Variants in APLP2 observed in about 807,000 individuals in gnomAD.
APLP2 encodes the protein amyloid beta precursor like protein 2.
APLP2 carries 53 observed loss-of-function variants against 89.9 expected under a neutral mutation model. That is an observed-to-expected ratio of 0.59 (90% CI 0.47 to 0.74). The LOEUF is 0.74. APLP2 is among the 30% of genes least tolerant of loss of function. The probability of loss-of-function intolerance (pLI) is 0.00; values close to 1 mark genes in which losing one functional copy is unlikely to be tolerated. For synonymous variants in APLP2, 372 were observed against 348.6 expected, an observed-to-expected ratio of 1.07 and a Z score of -0.75; for missense variants, 973 against 975.9, an observed-to-expected ratio of 1.00 and a Z score of 0.04.
At position 130,129,079 on chromosome 11, in the gene APLP2, A is replaced by G. The variant is rs766823114; in HGVS notation, c.1328A>G (p.Lys443Arg). The change falls in exon 10 of 17, where the codon AAG (lysine) becomes AGG (arginine). Residue 443 changes from lysine (K) to arginine (R), a missense_variant. Coordinates refer to ENST00000338167, the MANE Select transcript of APLP2 (RefSeq NM_001142276.2). ...HFQAMVKALE[K>R]EAASEKQQLV... ...CAAGCCATGGTTAAAGCTTTAGAGA[A>G]GGAAGCAGCCAGTGAGAAGCAGCAG... 1 of 1,614,170 alleles carries G rather than the reference A, an allele frequency of 6.2e-7. No individual in the cohort carries two copies. Among genetic ancestry groups the G allele is most frequent in the Non-Finnish European group, 8.5e-7 (1 of 1,180,000 alleles).
Position 130,137,415 on chromosome 11 carries a change from G to T in APLP2, c.1837+1700G>T. ...TCCCCACCTCATTCCTTCTGACACG[G>T]CTGTGAGTGGGGTCAGAGCAGCCCC... On this transcript the variant is annotated intron_variant, in intron 13 of 16. Coordinates refer to ENST00000338167, the MANE Select transcript of APLP2 (RefSeq NM_001142276.2). 26 of 934,210 alleles carry T rather than the reference G, an allele frequency of 2.8e-5. No homozygotes were observed. The South Asian group carries it at 3.4e-4, about 12-fold the overall frequency. The allele number at this position is 934,210 out of a possible 1,614,324, so 57.9% of individuals were successfully genotyped here.
intron 3 of APLP2, among the ~76,000 whole-genome samples, chr11:130,113,425 C>T (rs749547855): frequency 1.8e-4 from 27 of 152,280 alleles, no homozygotes; most frequent in Non-Finnish European, 2.9e-4. Context: ...AAGCATTATA[C>T]AATCTTTGGT....
At chr11:130,077,502 C>G (rs572769069) in intron 1 of APLP2, among the ~76,000 whole-genome samples, 137 of 152,112 alleles carry the variant, frequency 9.0e-4, no homozygotes, top group Non-Finnish European at 1.7e-3. Context: ...ATTTTACTCT[C>G]TTTAATTATG....
chr11:130,133,810 A>G, intron 12 of APLP2, 82 bp downstream of exon 12: 1 of 1,079,426 alleles, frequency 9.3e-7, no homozygotes, highest in Non-Finnish European at 1.4e-6. Context: ...GAGTAGAGAG[A>G]GATGAGCAAG....
intron 1 of APLP2, chr11:130,102,147 A>G (rs777103514): frequency 3.3e-6 from 1 of 300,638 alleles, no homozygotes; most frequent in Admixed American, 4.9e-5. Context: ...GTGAAGGTTC[A>G]TGAACATAAA....
chr11:130,070,773 T>A, intron 1 of APLP2: 1 of 1,390,994 alleles, frequency 7.2e-7, no homozygotes, highest in Non-Finnish European at 9.4e-7. Flanking sequence ...TCGTGAGGGT[T>A]TCAGTGAGTA....
chr11:130,110,893 G>C (rs1038482773), intron 3 of APLP2, among the ~76,000 whole-genome samples: 13 of 152,102 alleles, frequency 8.5e-5, no homozygotes, highest in Non-Finnish European at 1.8e-4. Flanking sequence ...CCTCAGGACT[G>C]AATAAGGGTG....
At position 130,109,248 on chromosome 11, in the gene APLP2, A is replaced by T. The variant is rs543613915; in HGVS notation, c.106-181A>T. ...TTCCTTTGCCTTTCACTTTGATCATACACATCCAGAAGTCACTTTTTATTC... is the reference window on the plus strand; with the variant it reads ...TTCCTTTGCCTTTCACTTTGATCATTCACATCCAGAAGTCACTTTTTATTC... On this transcript the variant is annotated intron_variant, in intron 1 of 16. Transcript: ENST00000338167. 8.8e-6 allele frequency: 4 copies of T among 455,514 alleles called. 1 individual carries two copies. The Admixed American group carries it at 1.3e-4, about 14-fold the overall frequency. The allele number at this position is 455,514 out of a possible 1,614,324, so 28.2% of individuals were successfully genotyped here.
At chr11:130,078,740 T>A (rs1942591867) in intron 1 of APLP2, among the ~76,000 whole-genome samples, 1 of 152,102 alleles carries the variant, frequency 6.6e-6, no homozygotes, top group Admixed American at 6.5e-5. Flanking sequence ...TCTGCTCGGC[T>A]CTGTCACCCT....
chr11:130,133,742 CT>C lies in APLP2; in HGVS notation c.1684+17del. ...AAGAGGAAATTGGTGGGTACCAGCT[CT>C]TTGTGTCAAGGTCATACGGGACTTC... On this transcript the variant is annotated intron_variant, in intron 12 of 16. Coordinates refer to ENST00000338167, the MANE Select transcript of APLP2 (RefSeq NM_001142276.2). 3 of 1,594,080 alleles carry C rather than the reference CT, an allele frequency of 1.9e-6. No homozygotes were observed. The African/African-American group carries it at 4.0e-5, about 21-fold the overall frequency.
chr11:130,070,114 T>C, intron 1 of APLP2, 32 bp downstream of exon 1: 1 of 1,308,348 alleles, frequency 7.6e-7, no homozygotes, highest in Non-Finnish European at 9.8e-7. Flanking sequence ...GAGAGTCGTC[T>C]CCTTCGCCCG....
chr11:130,108,298 A>G (rs1948071753), intron 1 of APLP2, among the ~76,000 whole-genome samples: 1 of 152,230 alleles, frequency 6.6e-6, no homozygotes, highest in African/African-American at 2.4e-5. Context: ...GAAAATTTTT[A>G]CAGTCTACCC....
At chr11:130,127,715 T>G in intron 8 of APLP2, 51 bp from the exon 9 acceptor site, 1 of 1,470,002 alleles carries the variant, frequency 6.8e-7, no homozygotes, top group Non-Finnish European at 9.5e-7. Context: ...AATGGAGGAG[T>G]TGTTTCGGGG....
chr11:130,090,805 G>A (rs1430587692), intron 1 of APLP2, among the ~76,000 whole-genome samples: 2 of 152,008 alleles, frequency 1.3e-5, no homozygotes, highest in African/African-American at 2.4e-5. Flanking sequence ...GGTGGTGGCC[G>A]GGCAGAGGGG....
intron 13 of APLP2, chr11:130,137,229 G>GT (rs764735862): frequency 2.5e-6 from 4 of 1,609,980 alleles, no homozygotes; most frequent in East Asian, 2.2e-5. Flanking sequence ...ATTTTATTTT[G>GT]TTTTTTATTG....
intron 1 of APLP2, among the ~76,000 whole-genome samples, chr11:130,094,885 AGGGATG>A (rs1221829024): frequency 3.3e-5 from 5 of 152,172 alleles, no homozygotes; most frequent in Non-Finnish European, 5.9e-5. Flanking sequence ...GGGCCAGAGG[AGGGATG>A]CATTCTAGAA....
chr11:130,093,000 C>CA (rs1226029255), intron 1 of APLP2, among the ~76,000 whole-genome samples: 1 of 152,136 alleles, frequency 6.6e-6, no homozygotes, highest in African/African-American at 2.4e-5. Flanking sequence ...ATAGATGAAA[C>CA]TAAATGTGAG....
intron 10 of APLP2, 150 bp downstream of exon 10, chr11:130,129,356 A>C (rs890464888): frequency 8.7e-6 from 8 of 922,910 alleles, no homozygotes; most frequent in East Asian, 2.5e-5. Flanking sequence ...AAGGTATTAC[A>C]TTCTAATATC....
At chr11:130,120,673 C>A in intron 3 of APLP2, 33 bp from the exon 4 acceptor site, 1 of 1,516,946 alleles carries the variant, frequency 6.6e-7, no homozygotes, top group South Asian at 1.1e-5. Context: ...AAATCATGGT[C>A]AGATCCGCTC....
Sources: gnomAD v4.1 joint callset for allele counts (sites outside exome capture counted in the v4.1 genomes callset) on GRCh38, gnomAD v4.1.1 for gene constraint, MANE v1.5 for transcripts, NCBI Gene and HGNC (gene_info 2026-07-23, HGNC 2026-07-21) for gene names.